Variants in SMARCAD1 observed in about 807,000 individuals in gnomAD.
SMARCAD1 encodes SNF2 related chromatin remodeling ATPase with DExD box 1.
Under a neutral mutation model 127.1 loss-of-function variants are expected in SMARCAD1, and 25 were observed. The ratio of observed to expected loss-of-function variants is 0.20; its 90% confidence interval spans 0.14 to 0.27. The LOEUF (loss-of-function observed/expected upper bound fraction) is 0.27. Ranked by LOEUF, SMARCAD1 falls within the 10% of genes least tolerant of loss-of-function variation. The pLI is 1.00. For missense variants in SMARCAD1, 807 were observed against 1,206.0 expected, an observed-to-expected ratio of 0.67 and a Z score of 4.90; for synonymous variants, 400 against 396.9, an observed-to-expected ratio of 1.01 and a Z score of -0.09.
chr4:94,214,473 TAGCCA>T (rs1326570581), intron 2 of SMARCAD1, among the ~76,000 whole-genome samples: 1 of 151,940 alleles, frequency 6.6e-6, no homozygotes, highest in African/African-American at 2.4e-5. Context: ...TTCACCGTAT[TAGCCA>T]GGATGGTCTC....
rs1022574400 is a variant in SMARCAD1 at position 94,207,945 on chromosome 4, G to T, written c.-175G>T. 5.6e-6 allele frequency: 2 copies of T among 356,102 alleles called. No homozygotes were observed. The highest frequency in any genetic ancestry group is 4.3e-5 in the African/African-American group (2 of 46,696). The allele number at this position is 356,102 out of a possible 1,614,324, so 22.1% of individuals were successfully genotyped here. On this transcript the variant is annotated 5_prime_UTR_variant, in exon 1 of 24. Coordinates refer to ENST00000354268, the MANE Select transcript of SMARCAD1 (RefSeq NM_020159.5). ...GGCCCCTTTGTGTCCCCGCAGTGTC[G>T]AGGCGCGGGCCCTGGCAGGTCCTTT...
At chr4:94,250,490 C>T (rs554285774) in intron 7 of SMARCAD1, among the ~76,000 whole-genome samples, 3 of 152,010 alleles carry the variant, frequency 2.0e-5, no homozygotes, top group African/African-American at 7.2e-5. Context: ...ATTTCTTGAT[C>T]CTCTAGTGTT....
At chr4:94,286,675 G>C (rs891808096) in intron 23 of SMARCAD1, among the ~76,000 whole-genome samples, 5 of 152,256 alleles carry the variant, frequency 3.3e-5, no homozygotes, top group African/African-American at 1.2e-4. Context: ...TATTATGGGT[G>C]ATGGGAACAG....
Position 94,240,994 on chromosome 4 carries a change from A to T in SMARCAD1, c.693A>T (p.Thr231=). The T allele has an allele frequency of 6.2e-7, 1 of 1,607,626 alleles. No individual in the cohort carries two copies. Among genetic ancestry groups the T allele is most frequent in the Non-Finnish European group, 8.5e-7 (1 of 1,174,704 alleles). ...ATGATGATCAATCTATAAAAAAGACAAGACTGGATCATGTAAGTTTACATT... is the reference window on the plus strand; with the variant it reads ...ATGATGATCAATCTATAAAAAAGACTAGACTGGATCATGTAAGTTTACATT... ...EFNDDQSIKK[T]RLDHGEESNE... The change falls in exon 6 of 24, where the codon ACA becomes ACT. Residue 231 remains threonine (T), a synonymous_variant. Coordinates refer to ENST00000354268, the MANE Select transcript of SMARCAD1 (RefSeq NM_020159.5).
chr4:94,245,146 A>G (rs927954900), intron 6 of SMARCAD1, among the ~76,000 whole-genome samples: 2 of 152,234 alleles, frequency 1.3e-5, no homozygotes, highest in Non-Finnish European at 2.9e-5. Flanking sequence ...AAAACAAGCT[A>G]TATTGATCTA....
chr4:94,283,785 C>T (rs1486580765), intron 22 of SMARCAD1, among the ~76,000 whole-genome samples: 1 of 151,904 alleles, frequency 6.6e-6, no homozygotes, highest in Non-Finnish European at 1.5e-5. Flanking sequence ...AGATCACCAC[C>T]ACTGCACTCC....
chr4:94,278,855 T>G lies in SMARCAD1; in HGVS notation c.2297-74T>G. On this transcript the variant is annotated intron_variant, in intron 18 of 23. Transcript: ENST00000354268. ...TTATCTGGAATTTGAGGAAATAATTTTAAAACTTAGTTGATATATTTCAAC... is the reference window on the plus strand; with the variant it reads ...TTATCTGGAATTTGAGGAAATAATTGTAAAACTTAGTTGATATATTTCAAC... 1.9e-6 allele frequency: 3 copies of G among 1,604,852 alleles called. No individual in the cohort carries two copies. In the East Asian group the frequency reaches 6.7e-5, roughly 36 times the overall value.
At chr4:94,242,592 G>T (rs1326478269) in intron 6 of SMARCAD1, among the ~76,000 whole-genome samples, 1 of 152,042 alleles carries the variant, frequency 6.6e-6, no homozygotes, top group Non-Finnish European at 1.5e-5. Flanking sequence ...CTAAAATTAT[G>T]CAAATCCTTT....
intron 6 of SMARCAD1, among the ~76,000 whole-genome samples, chr4:94,248,045 T>A (rs150108998): frequency 6.6e-6 from 1 of 152,280 alleles, no homozygotes; most frequent in Non-Finnish European, 1.5e-5. Flanking sequence ...TTCTCATTTT[T>A]ATGAACACGT....
chr4:94,276,192 T>G (rs1360659442), intron 14 of SMARCAD1, 147 bp from the exon 15 acceptor site: 2 of 747,298 alleles, frequency 2.7e-6, no homozygotes, highest in Non-Finnish European at 4.5e-6. Flanking sequence ...AGTATTTATT[T>G]GAGTATCACC....
Position 94,283,137 on chromosome 4 carries a change from G to T in SMARCAD1, c.2743G>T (p.Glu915Ter). The change falls in exon 22 of 24, where the codon GAG (glutamate) becomes TAG (stop). Residue 915 changes from glutamate to a stop codon, truncating the protein, a stop_gained. Transcript: ENST00000354268. LOFTEE classifies it high-confidence loss of function. ...QISERIHLID[E>*]FNTDMDIFVF... The stretch of plus-strand genomic sequence containing the variant: ...ATCTTACAGGATTCATCTAATTGAT[G>T]AGTTTAATACCGATATGGATATCTT... 6.2e-7 allele frequency: 1 copy of T among 1,613,126 alleles called. No homozygotes were observed. The highest frequency in any genetic ancestry group is 1.1e-5 in the South Asian group (1 of 91,016).
At chr4:94,277,262 A>C (rs908127134) in intron 16 of SMARCAD1, 103 bp downstream of exon 16, 17 of 1,329,192 alleles carry the variant, frequency 1.3e-5, no homozygotes, top group Non-Finnish European at 1.8e-5. Context: ...CATATGCTCT[A>C]TGAAGTAACT....
intron 14 of SMARCAD1, among the ~76,000 whole-genome samples, 200 bp from the exon 15 acceptor site, chr4:94,276,139 T>G (rs1409075921): frequency 6.6e-6 from 1 of 152,188 alleles, no homozygotes; most frequent in African/African-American, 2.4e-5. Context: ...CTTTCATAGC[T>G]TGGTTACAGT....
At position 94,290,130 on chromosome 4, in the gene SMARCAD1, TCTG is replaced by T. The variant is rs1347090041; in HGVS notation, c.*600_*602del. ...CATCCCCCAGGTCCTCTCAAGTACT[TCTG>T]CTGAAACAAATTTATTTGGCTAGGC... is the stretch of plus-strand genomic sequence containing the variant. On this transcript the variant is annotated 3_prime_UTR_variant, in exon 24 of 24. Coordinates refer to ENST00000354268, the MANE Select transcript of SMARCAD1 (RefSeq NM_020159.5). The T allele has an allele frequency of 2.2e-6, 1 of 454,520 alleles. No homozygotes were observed. The highest frequency in any genetic ancestry group is 1.6e-5 in the South Asian group (1 of 64,476). 28.2% of individuals were successfully genotyped at this position (454,520 alleles called of 1,614,324 possible).
chr4:94,279,108 T>C (rs941875371), intron 19 of SMARCAD1, 58 bp downstream of exon 19: 1 of 1,608,940 alleles, frequency 6.2e-7, no homozygotes, highest in African/African-American at 1.3e-5. Flanking sequence ...GTTGTTAGGC[T>C]ATAAGATTGG....
At chr4:94,281,156 A>C (rs971959292) in intron 20 of SMARCAD1, among the ~76,000 whole-genome samples, 1 of 152,226 alleles carries the variant, frequency 6.6e-6, no homozygotes, top group African/African-American at 2.4e-5. Flanking sequence ...CACAGTCCAG[A>C]TAATACATAC....
At position 94,276,406 on chromosome 4, in the gene SMARCAD1, A is replaced by G; in HGVS notation, c.1876A>G (p.Ile626Val). 6.2e-7 allele frequency: 1 copy of G among 1,614,094 alleles called. No individual in the cohort carries two copies. Among genetic ancestry groups the G allele is most frequent in the Non-Finnish European group, 8.5e-7 (1 of 1,180,004 alleles). ...LFRRLKLNYA[I>V]FDEGHMLKNM... ...TCGACGGCTGAAACTTAATTACGCA[A>G]TTTTTGATGAGGGCCATATGCTGAA... The change falls in exon 15 of 24, where the codon ATT becomes GTT. Residue 626 changes from isoleucine (I) to valine (V), a missense_variant. Physicochemically the swap from Ile to Val is conservative, Grantham distance 29. Around this residue, in one of 8 missense-constraint regions of SMARCAD1, gnomAD observed 148 missense variants for 313.2 expected, o/e 0.47. Coordinates refer to ENST00000354268, the MANE Select transcript of SMARCAD1 (RefSeq NM_020159.5).
intron 9 of SMARCAD1, among the ~76,000 whole-genome samples, chr4:94,256,571 C>T (rs560602112): frequency 6.6e-6 from 1 of 152,232 alleles, no homozygotes; most frequent in South Asian, 2.1e-4. Context: ...CCATGTTGGC[C>T]AGGCTGGGCT....
At chr4:94,231,088 A>C (rs901468287) in intron 3 of SMARCAD1, among the ~76,000 whole-genome samples, 1 of 152,234 alleles carries the variant, frequency 6.6e-6, no homozygotes, top group East Asian at 1.9e-4. Context: ...TGTAAAAACA[A>C]TAAGTTTGAG....
Sources: gnomAD v4.1 joint callset for allele counts (sites outside exome capture counted in the v4.1 genomes callset) on GRCh38, gnomAD v4.1.1 for gene constraint, gnomAD v4.1.1 regional missense constraint, MANE v1.5 for transcripts, NCBI Gene and HGNC (gene_info 2026-07-23, HGNC 2026-07-21) for gene names.